DHRS4L2: variants seen among roughly 807,000 people sequenced by gnomAD.
DHRS4L2 encodes the protein dehydrogenase/reductase 4 like 2.
In DHRS4L2, 22 loss-of-function variants were observed where a neutral mutation model predicts 23.9. The observed-to-expected ratio is 0.92, with a 90% CI of 0.66 to 1.31. DHRS4L2 has a LOEUF of 1.31. Among genes scored for constraint, DHRS4L2 ranks in the 40% most tolerant of loss-of-function variants. The pLI, the probability that DHRS4L2 is intolerant of heterozygous loss-of-function variation, is 0.00. For missense variants in DHRS4L2, 385 were observed against 303.3 expected (o/e 1.27, Z -2.00); for synonymous variants, 141 against 123.7 (o/e 1.14, Z -0.93).
In DHRS4L2 at chr14:23,975,498, A is replaced by C. The variant is rs557653400; in HGVS notation, c.-176+5166A>C. Reference sequence around the variant, plus strand: ...AAGACTCAATATCATGAAAATGGCCATATTGCCCAAAGTAAATTATAGACT... The same window carrying C: ...AAGACTCAATATCATGAAAATGGCCCTATTGCCCAAAGTAAATTATAGACT... On this transcript the variant is annotated intron_variant, in intron 1 of 5. Transcript: ENST00000534993. Among the ~76,000 whole-genome samples the C allele has an allele frequency of 1.8e-4, 27 of 151,940 alleles. No individual in the cohort carries two copies. The East Asian group carries it at 5.0e-3, about 28-fold the overall frequency.
At position 23,990,174 on chromosome 14, in the gene DHRS4L2, G is replaced by C; in HGVS notation, c.129-8G>C. ...GCCTTAGCAGTCTTTGTCTCTTTCT[G>C]CTCACAGGATCGGCTTCGCCATCGC... On this transcript the variant is annotated splice_region_variant and splice_polypyrimidine_tract_variant and intron_variant, in intron 1 of 7. Transcript: ENST00000335125. The C allele has an allele frequency of 6.2e-7, 1 of 1,612,612 alleles. No individual in the cohort carries two copies. Among genetic ancestry groups the C allele is most frequent in the Non-Finnish European group, 8.5e-7 (1 of 1,179,280 alleles).
At chr14:23,991,979 A>G (rs2034279670) in intron 2 of DHRS4L2, among the ~76,000 whole-genome samples, 1 of 150,764 alleles carries the variant, frequency 6.6e-6, no homozygotes, top group Non-Finnish European at 1.5e-5. Context: ...CAGGTGATCC[A>G]CCCCCTCGGC....
At chr14:23,971,144 A>C (rs1437634869) in intron 1 of DHRS4L2, among the ~76,000 whole-genome samples, 1 of 152,126 alleles carries the variant, frequency 6.6e-6, no homozygotes, top group East Asian at 1.9e-4. Flanking sequence ...TGGATGGAGA[A>C]TAAGTTTGAT....
chr14:23,997,778 C>T (rs1400011676), intron 3 of DHRS4L2, among the ~76,000 whole-genome samples: 9 of 151,608 alleles, frequency 5.9e-5, no homozygotes, highest in African/African-American at 1.2e-4. Flanking sequence ...AACCCTTCCA[C>T]GTCATCCATG....
At chr14:23,986,488 C>T (rs2034141845), upstream of DHRS4L2, among the ~76,000 whole-genome samples, 1 of 146,852 alleles carries the variant, frequency 6.8e-6, no homozygotes, top group Non-Finnish European at 1.5e-5. Flanking sequence ...ACACGTGCAC[C>T]CTAGAACTTA....
At chr14:23,970,055 G>A (rs755233844) in exon 1 of DHRS4L2, 1 of 456,418 alleles carries the variant, frequency 2.2e-6, no homozygotes, top group Admixed American at 2.3e-5. Context: ...CGGTGTGGGT[G>A]GCGGCGGCTC....
chr14:23,994,173 C>G (rs150378308), intron 2 of DHRS4L2, among the ~76,000 whole-genome samples: 1,674 of 151,764 alleles, frequency 0.011, 32 homozygotes, highest in African/African-American at 0.038. Context: ...TAAGTGTGGA[C>G]AGATTGACTT....
upstream of DHRS4L2, chr14:23,988,786 A>T: frequency 1.4e-6 from 2 of 1,403,648 alleles, no homozygotes; most frequent in Non-Finnish European, 1.9e-6. Flanking sequence ...GGGCGGGGCG[A>T]CTGGCGGGCG....
chr14:23,974,622 T>C lies in DHRS4L2; in HGVS notation c.-176+4290T>C, dbSNP rs1382887744. Among the ~76,000 whole-genome samples the C allele has an allele frequency of 2.0e-5, 3 of 151,876 alleles. No homozygotes were observed. The East Asian group carries it at 5.8e-4, about 29-fold the overall frequency. On this transcript the variant is annotated intron_variant, in intron 1 of 5. Coordinates refer to the DHRS4L2 transcript ENST00000534993. ...ACCATCAGAGAATACTATAAACACCTCTATGCAAATAAACTAGAAAACCTA... is the reference window on the plus strand; with the variant it reads ...ACCATCAGAGAATACTATAAACACCCCTATGCAAATAAACTAGAAAACCTA...
At chr14:23,981,665 G>A (rs1044235636) in intron 1 of DHRS4L2, among the ~76,000 whole-genome samples, 3 of 151,626 alleles carry the variant, frequency 2.0e-5, no homozygotes, top group Non-Finnish European at 4.4e-5. Context: ...AGTTCCCTCA[G>A]CATTTATTAA....
chr14:23,986,946 G>C (rs768624201), upstream of DHRS4L2, among the ~76,000 whole-genome samples: 4 of 151,624 alleles, frequency 2.6e-5, no homozygotes, highest in Non-Finnish European at 5.9e-5. Flanking sequence ...GCACCAGTCA[G>C]AGTCAGCTTT....
rs566554506 is a variant in DHRS4L2 at position 23,995,898 on chromosome 14, A to C, written c.408+765A>C. Among the ~76,000 whole-genome samples, 8 of 151,892 alleles carry C rather than the reference A, an allele frequency of 5.3e-5. 1 individual carries two copies. The highest frequency in any genetic ancestry group is 1.3e-4 in the Admixed American group (2 of 15,272). ...CTGATGTTGTATTAGTCTGTTTTGCATTGCTATAAAGGAATACCTGAGCTG... is the reference window on the plus strand; with the variant it reads ...CTGATGTTGTATTAGTCTGTTTTGCCTTGCTATAAAGGAATACCTGAGCTG... On this transcript the variant is annotated intron_variant, in intron 3 of 7. Transcript: ENST00000335125.
At chr14:24,004,228 C>T in intron 6 of DHRS4L2, 109 bp from the exon 7 acceptor site, 2 of 1,356,914 alleles carry the variant, frequency 1.5e-6, no homozygotes, top group Non-Finnish European at 1.9e-6. Flanking sequence ...AAGATAGCGC[C>T]ACTACAGTCC....
At chr14:23,993,263 C>T (rs2034305408) in intron 2 of DHRS4L2, among the ~76,000 whole-genome samples, 2 of 151,546 alleles carry the variant, frequency 1.3e-5, no homozygotes, top group Admixed American at 1.3e-4. Flanking sequence ...TGCCAGGATG[C>T]CAAAATTTAA....
At chr14:23,996,027 C>T (rs1170676779) in intron 3 of DHRS4L2, among the ~76,000 whole-genome samples, 1 of 151,646 alleles carries the variant, frequency 6.6e-6, no homozygotes, top group Admixed American at 6.6e-5. Flanking sequence ...AGGAAGCTTA[C>T]AATCATGGCA....
intron 1 of DHRS4L2, among the ~76,000 whole-genome samples, chr14:23,974,733 C>T (rs2033933622): frequency 6.6e-6 from 1 of 151,766 alleles, no homozygotes. Flanking sequence ...CCAATAACAG[C>T]TTCTGAAATT....
intron 2 of DHRS4L2, among the ~76,000 whole-genome samples, chr14:23,993,114 G>A (rs1485925430): frequency 1.3e-5 from 2 of 150,328 alleles, no homozygotes; most frequent in Admixed American, 6.6e-5. Context: ...TGATTCTAGA[G>A]CAATCCATTG....
chr14:23,987,283 A>C, upstream of DHRS4L2: 1 of 292,588 alleles, frequency 3.4e-6, no homozygotes, highest in South Asian at 2.5e-5. Context: ...GGCAAGTACC[A>C]CCACGCCCGG....
chr14:23,991,522 A>G (rs145757762), intron 2 of DHRS4L2, among the ~76,000 whole-genome samples: 1 of 151,910 alleles, frequency 6.6e-6, no homozygotes, highest in Non-Finnish European at 1.5e-5. Flanking sequence ...GGCCTGGCCC[A>G]GAAGTGGTAC....
Sources: allele counts gnomAD v4.1 joint callset (sites outside exome capture counted in the v4.1 genomes callset), GRCh38; gene constraint gnomAD v4.1.1; transcripts MANE v1.5; gene names NCBI Gene and HGNC (gene_info 2026-07-23, HGNC 2026-07-21).